Variants in KANK1 observed in about 807,000 individuals in gnomAD.
KANK1 encodes KN motif and ankyrin repeat domain-containing protein 1.
KANK1 carries 109 observed loss-of-function variants against 106.2 expected under a neutral mutation model. The observed-to-expected ratio is 1.03, with a 90% CI of 0.88 to 1.20. KANK1 has a LOEUF of 1.20. Ranked by LOEUF, KANK1 falls within the 50% of genes most tolerant of loss-of-function variation. The pLI is 0.00. For synonymous variants in KANK1, 873 were observed against 652.2 expected (o/e 1.34, Z -5.16); for missense variants, 2,399 against 1,710.7 (o/e 1.40, Z -7.10).
intron 3 of KANK1, among the ~76,000 whole-genome samples, 191 bp downstream of exon 3, chr9:713,655 GT>G (rs112993354): frequency 1.1e-3 from 172 of 152,278 alleles, no homozygotes; most frequent in African/African-American, 3.9e-3. Context: ...TTATTATCTG[GT>G]AGCCTCACTG....
At chr9:514,783 C>G (rs113285045) in intron 1 of KANK1, among the ~76,000 whole-genome samples, 2 of 151,674 alleles carry the variant, frequency 1.3e-5, no homozygotes, top group African/African-American at 2.4e-5. Flanking sequence ...AATATAGGTA[C>G]ACATTTAAGT....
upstream of KANK1, among the ~76,000 whole-genome samples, chr9:503,863 A>G (rs1040395138): frequency 5.3e-5 from 8 of 152,206 alleles, no homozygotes; most frequent in African/African-American, 1.9e-4. Flanking sequence ...CTAGGAAGCC[A>G]GTTCAATCCT....
chr9:494,930 T>C (rs1429283225), intron 3 of KANK1, among the ~76,000 whole-genome samples: 1 of 152,252 alleles, frequency 6.6e-6, no homozygotes, highest in Non-Finnish European at 1.5e-5. Flanking sequence ...GGGCAAGTCC[T>C]CTTAAAGTAC....
intron 1 of KANK1, among the ~76,000 whole-genome samples, chr9:576,875 T>C (rs1820702834): frequency 6.6e-6 from 1 of 152,196 alleles, no homozygotes; most frequent in Non-Finnish European, 1.5e-5. Context: ...GTGTCCGGAA[T>C]TGGTTCCTTC....
At chr9:489,293 T>C (rs1277449764) in intron 3 of KANK1, among the ~76,000 whole-genome samples, 1 of 152,212 alleles carries the variant, frequency 6.6e-6, no homozygotes, top group East Asian at 1.9e-4. Flanking sequence ...TTTTGCCAAG[T>C]GCTCCTGGCT....
intron 1 of KANK1, among the ~76,000 whole-genome samples, chr9:596,105 G>C (rs1826140628): frequency 6.6e-6 from 1 of 151,716 alleles, no homozygotes. Context: ...ATAATTTTGT[G>C]CATGAAATAA....
intron 2 of KANK1, among the ~76,000 whole-genome samples, chr9:692,134 A>G (rs1820099280): frequency 6.6e-6 from 1 of 152,122 alleles, no homozygotes; most frequent in Admixed American, 6.6e-5. Flanking sequence ...GCACAGTTTT[A>G]TAAGAATTCA....
At chr9:725,147 G>A (rs12685329) in intron 3 of KANK1, among the ~76,000 whole-genome samples, 34,035 of 151,844 alleles carry the variant, frequency 0.22, 4,320 homozygotes, top group African/African-American at 0.33. Context: ...TTTGGGGACA[G>A]GGGACTGTTC....
intron 1 of KANK1, among the ~76,000 whole-genome samples, chr9:540,181 G>T (rs559217522): frequency 6.6e-6 from 1 of 152,252 alleles, no homozygotes; most frequent in East Asian, 1.9e-4. Flanking sequence ...TGCCGTATGT[G>T]GCCTTTATTA....
chr9:697,790 G>A (rs990266643), intron 2 of KANK1, among the ~76,000 whole-genome samples: 1 of 152,012 alleles, frequency 6.6e-6, no homozygotes, highest in Admixed American at 6.6e-5. Flanking sequence ...GGCTAGTGGG[G>A]GTTCAAAAGA....
chr9:618,870 T>TA (rs1832492593), intron 1 of KANK1, among the ~76,000 whole-genome samples: 4 of 152,298 alleles, frequency 2.6e-5, no homozygotes, highest in African/African-American at 9.6e-5. Context: ...TCCACCTTAT[T>TA]AATCCATGGC....
intron 1 of KANK1, among the ~76,000 whole-genome samples, chr9:672,602 G>C (rs1241229846): frequency 6.6e-6 from 1 of 152,154 alleles, no homozygotes; most frequent in Non-Finnish European, 1.5e-5. Context: ...GCATTTGATA[G>C]TTTAGCAGTG....
At chr9:523,640 G>C (rs1371838989) in intron 1 of KANK1, among the ~76,000 whole-genome samples, 1 of 151,612 alleles carries the variant, frequency 6.6e-6, no homozygotes, top group Non-Finnish European at 1.5e-5. Context: ...TCTTCCACAG[G>C]TGTCCCTTTT....
chr9:728,847 A>G (rs1413683510), intron 3 of KANK1, among the ~76,000 whole-genome samples: 1 of 152,200 alleles, frequency 6.6e-6, no homozygotes, highest in African/African-American at 2.4e-5. Context: ...GTATCTTTGA[A>G]TCTACCGAAG....
intron 7 of KANK1, among the ~76,000 whole-genome samples, chr9:737,537 T>C (rs7860996): frequency 0.041 from 6,175 of 152,252 alleles, 411 homozygotes; most frequent in African/African-American, 0.14. Context: ...TGACCCAGGG[T>C]TGAGTTGATC....
In KANK1 at chr9:627,610, A is replaced by G. The variant is rs151000439; in HGVS notation, c.-83-49280A>G. Among the ~76,000 whole-genome samples, 4 of 152,316 alleles carry G rather than the reference A, an allele frequency of 2.6e-5. No individual in the cohort carries two copies. The East Asian group carries it at 5.8e-4, about 22-fold the overall frequency. On this transcript the variant is annotated intron_variant, in intron 1 of 11. Transcript: ENST00000382297. ...CCTTTTATCTTGTTTAATACATTGTAAAGTTGTCTTCTGGAGTCTTCTTCA... is the reference window on the plus strand; with the variant it reads ...CCTTTTATCTTGTTTAATACATTGTGAAGTTGTCTTCTGGAGTCTTCTTCA...
At chr9:667,301 A>T (rs1844860650) in intron 1 of KANK1, among the ~76,000 whole-genome samples, 1 of 150,508 alleles carries the variant, frequency 6.6e-6, no homozygotes, top group Non-Finnish European at 1.5e-5. Flanking sequence ...GATTTTATTT[A>T]TTTGGGTCCT....
At chr9:636,040 A>G (rs1327646532) in intron 1 of KANK1, among the ~76,000 whole-genome samples, 2 of 152,116 alleles carry the variant, frequency 1.3e-5, no homozygotes, top group African/African-American at 2.4e-5. Flanking sequence ...AGATTTTCAT[A>G]GTTTTACTGT....
intron 2 of KANK1, among the ~76,000 whole-genome samples, chr9:679,559 C>T (rs1817108820): frequency 6.6e-6 from 1 of 152,094 alleles, no homozygotes; most frequent in Non-Finnish European, 1.5e-5. Context: ...GGATTACAGG[C>T]CCATGCCATC....
Sources: gnomAD v4.1 joint callset for allele counts (sites outside exome capture counted in the v4.1 genomes callset) on GRCh38, gnomAD v4.1.1 for gene constraint, MANE v1.5 for transcripts, NCBI Gene and HGNC (gene_info 2026-07-23, HGNC 2026-07-21) for gene names.